The following CHD6 variants were observed in gnomAD, a reference collection of about 807,000 sequenced individuals.
The protein encoded by CHD6 is chromodomain helicase DNA binding protein 6.
A neutral mutation model predicts 276.9 loss-of-function variants in CHD6; 50 were observed. The observed-to-expected ratio is 0.18, with a 90% confidence interval of 0.14 to 0.23. CHD6 has a LOEUF of 0.23. Ranked by LOEUF, CHD6 falls within the 10% of genes least tolerant of loss-of-function variation. The probability of loss-of-function intolerance (pLI) is 1.00; values close to 1 mark genes in which losing one functional copy is unlikely to be tolerated. For missense variants in CHD6, 2,564 were observed against 3,365.8 expected (o/e 0.76, Z 5.89); for synonymous variants, 1,173 against 1,229.3 (o/e 0.95, Z 0.96).
chr20:41,430,014 G>A (rs2047485517), intron 27 of CHD6, among the ~76,000 whole-genome samples: 1 of 152,190 alleles, frequency 6.6e-6, no homozygotes, highest in Non-Finnish European at 1.5e-5. Flanking sequence ...CTTTAACTCT[G>A]CCTGAGGACA....
intron 1 of CHD6, among the ~76,000 whole-genome samples, chr20:41,589,165 C>G (rs555657634): frequency 6.6e-6 from 1 of 152,324 alleles, no homozygotes; most frequent in East Asian, 1.9e-4. Flanking sequence ...CAAAATTCAA[C>G]AGCCCTTCAT....
At chr20:41,605,772 T>G (rs958819743) in intron 1 of CHD6, among the ~76,000 whole-genome samples, 57 of 136,650 alleles carry the variant, frequency 4.2e-4, no homozygotes, top group African/African-American at 1.6e-3. Context: ...ATTGACAAAA[T>G]TTCATCTCTA....
At chr20:41,510,873 A>G (rs1249991188) in intron 5 of CHD6, among the ~76,000 whole-genome samples, 1 of 152,242 alleles carries the variant, frequency 6.6e-6, no homozygotes, top group Admixed American at 6.5e-5. Flanking sequence ...TGCAAGTGCT[A>G]TTTTTAACTA....
intron 26 of CHD6, among the ~76,000 whole-genome samples, chr20:41,438,309 G>C (rs896032034): frequency 3.3e-5 from 5 of 152,146 alleles, no homozygotes; most frequent in African/African-American, 1.2e-4. Flanking sequence ...TGACTTTGAG[G>C]GTGGGTGCAG....
At chr20:41,472,862 C>A (rs1252585631) in intron 17 of CHD6, among the ~76,000 whole-genome samples, 1 of 152,158 alleles carries the variant, frequency 6.6e-6, no homozygotes, top group East Asian at 1.9e-4. Context: ...GTGTGGAGAA[C>A]AAAGGAACTA....
chr20:41,448,963 G>A (rs939550648), intron 23 of CHD6, among the ~76,000 whole-genome samples: 80 of 151,148 alleles, frequency 5.3e-4, no homozygotes, highest in Admixed American at 1.8e-3. Context: ...GTGCAATGGC[G>A]CGATCTTGGC....
At chr20:41,461,676 G>A (rs2048553179) in intron 17 of CHD6, 1 of 152,520 alleles carries the variant, frequency 6.6e-6, no homozygotes, top group Non-Finnish European at 1.5e-5. Context: ...TATCAGCAGT[G>A]TGAAAATGAA....
At chr20:41,495,545 G>A (rs2043663277) in intron 8 of CHD6, among the ~76,000 whole-genome samples, 1 of 152,152 alleles carries the variant, frequency 6.6e-6, no homozygotes, top group Non-Finnish European at 1.5e-5. Flanking sequence ...GCATAGCATG[G>A]TGATGACAGT....
At chr20:41,612,341 A>G (rs1349228004) in intron 1 of CHD6, among the ~76,000 whole-genome samples, 2 of 152,158 alleles carry the variant, frequency 1.3e-5, no homozygotes, top group East Asian at 3.8e-4. Context: ...CATATCCTCT[A>G]TCATTTCCTC....
chr20:41,566,078 C>G (rs1210642425), intron 1 of CHD6, among the ~76,000 whole-genome samples: 1 of 152,076 alleles, frequency 6.6e-6, no homozygotes, highest in African/African-American at 2.4e-5. Flanking sequence ...TCAATAATGG[C>G]TGAAGCACAT....
At position 41,457,537 on chromosome 20, in the gene CHD6, G is replaced by A. The variant is rs959950076; in HGVS notation, c.2665-109C>T. ...CATGTGGTGTGAGTGGCCAACTCTCGGTTACAAGTAACAGGACTGATTTCA... is the reference window on the plus strand; with the variant it reads ...CATGTGGTGTGAGTGGCCAACTCTCAGTTACAAGTAACAGGACTGATTTCA... On this transcript the variant is annotated intron_variant, in intron 17 of 36. Transcript: ENST00000373233. The A allele has an allele frequency of 1.3e-5, 16 of 1,272,334 alleles. No individual in the cohort carries two copies. In the Admixed American group the frequency reaches 1.6e-4, roughly 13 times the overall value. 78.8% of individuals were successfully genotyped at this position (1,272,334 alleles called of 1,614,324 possible).
In CHD6 at chr20:41,574,350, G is replaced by A. The variant is rs372534892; in HGVS notation, c.-23-22990C>T. Among the ~76,000 whole-genome samples, 81 of 152,264 alleles carry A rather than the reference G, an allele frequency of 5.3e-4. No individual in the cohort carries two copies. In the East Asian group the frequency reaches 0.013, roughly 24 times the overall value. On this transcript the variant is annotated intron_variant, in intron 1 of 36. Coordinates refer to ENST00000373233, the MANE Select transcript of CHD6 (RefSeq NM_032221.5). ...GGTCCTACCTATACTTGGAGATAATGAAATCATCCCCTAGTTTTTTCTTCT... is the reference window on the plus strand; with the variant it reads ...GGTCCTACCTATACTTGGAGATAATAAAATCATCCCCTAGTTTTTTCTTCT...
chr20:41,604,173 T>G (rs2045802890), intron 1 of CHD6, among the ~76,000 whole-genome samples: 1 of 152,066 alleles, frequency 6.6e-6, no homozygotes, highest in African/African-American at 2.4e-5. Context: ...AGATGCTGAG[T>G]TCAGTTTTGC....
chr20:41,563,444 A>G (rs2045323647), intron 1 of CHD6, among the ~76,000 whole-genome samples: 1 of 152,216 alleles, frequency 6.6e-6, no homozygotes. Flanking sequence ...TAGTCCAGAA[A>G]TACCTCAAAC....
At chr20:41,577,732 TAC>T (rs2146223108) in intron 1 of CHD6, among the ~76,000 whole-genome samples, 1 of 152,364 alleles carries the variant, frequency 6.6e-6, no homozygotes, top group African/African-American at 2.4e-5. Flanking sequence ...AGTGGGTCAG[TAC>T]ACTTCAGTTA....
intron 2 of CHD6, among the ~76,000 whole-genome samples, chr20:41,550,037 G>A (rs1055795533): frequency 4.0e-4 from 61 of 152,208 alleles, no homozygotes; most frequent in African/African-American, 1.4e-3. Context: ...CTGACCTCAG[G>A]TGATCTGACT....
intron 27 of CHD6, among the ~76,000 whole-genome samples, chr20:41,429,722 T>C (rs1197488006): frequency 6.6e-6 from 1 of 152,216 alleles, no homozygotes; most frequent in Non-Finnish European, 1.5e-5. Flanking sequence ...TGGAACCAGC[T>C]GGGAGGCAGA....
chr20:41,602,477 A>G (rs567568057), intron 1 of CHD6, among the ~76,000 whole-genome samples: 1 of 152,312 alleles, frequency 6.6e-6, no homozygotes, highest in African/African-American at 2.4e-5. Context: ...CTCAAGTTTA[A>G]GGGTGTTTAA....
At chr20:41,504,426 T>TTTTTTTTTTA (rs2043926591) in intron 5 of CHD6, among the ~76,000 whole-genome samples, 1 of 132,662 alleles carries the variant, frequency 7.5e-6, no homozygotes, top group Admixed American at 8.1e-5. Flanking sequence ...TTTTTTTTTT[T>TTTTTTTTTTA]AGACAGGATC....
Sources: gnomAD v4.1 joint callset for allele counts (sites outside exome capture counted in the v4.1 genomes callset) on GRCh38, gnomAD v4.1.1 for gene constraint, MANE v1.5 for transcripts, NCBI Gene and HGNC (gene_info 2026-07-23, HGNC 2026-07-21) for gene names.